SYCP1: variants seen among roughly 807,000 people sequenced by gnomAD.
The protein encoded by SYCP1 is synaptonemal complex protein 1.
In SYCP1, 64 loss-of-function variants were observed where a neutral mutation model predicts 153.1. That is an observed-to-expected ratio of 0.42 (90% CI 0.34 to 0.51). The LOEUF (loss-of-function observed/expected upper bound fraction) is 0.51, where lower values mean the gene tolerates loss of function less well. SYCP1 is among the 20% of genes least tolerant of loss of function. The pLI is 0.06. For synonymous variants in SYCP1, 384 were observed against 341.8 expected (o/e 1.12, Z -1.36); for missense variants, 997 against 1,049.0 (o/e 0.95, Z 0.68).
At chr1:114,902,530 A>C (rs1667535547) in intron 16 of SYCP1, among the ~76,000 whole-genome samples, 1 of 143,544 alleles carries the variant, frequency 7.0e-6, no homozygotes, top group Non-Finnish European at 1.5e-5. Context: ...ATCCCTGGTT[A>C]CCACATAAGA....
intron 20 of SYCP1, among the ~76,000 whole-genome samples, chr1:114,915,780 G>A (rs1447420414): frequency 6.6e-6 from 1 of 152,168 alleles, no homozygotes; most frequent in Admixed American, 6.5e-5. Flanking sequence ...AGAGGTGTCA[G>A]GTATTAGGTA....
intron 12 of SYCP1, among the ~76,000 whole-genome samples, chr1:114,881,773 A>G (rs572348325): frequency 4.6e-5 from 7 of 152,290 alleles, no homozygotes; most frequent in African/African-American, 1.7e-4. Flanking sequence ...AAGTCCTGGG[A>G]TTACAGATGT....
At chr1:114,877,263 TG>T (rs1004295233) in intron 11 of SYCP1, among the ~76,000 whole-genome samples, 4 of 152,196 alleles carry the variant, frequency 2.6e-5, no homozygotes, top group South Asian at 2.1e-4. Flanking sequence ...AAGACACAGA[TG>T]TTTTTTATAT....
At chr1:114,854,417 C>T (rs1472887614), upstream of SYCP1, among the ~76,000 whole-genome samples, 3 of 152,192 alleles carry the variant, frequency 2.0e-5, no homozygotes, top group Non-Finnish European at 2.9e-5. Flanking sequence ...GGATTACAGG[C>T]GTGAGCCACC....
intron 8 of SYCP1, among the ~76,000 whole-genome samples, chr1:114,864,275 A>G (rs931036772): frequency 6.6e-6 from 1 of 152,096 alleles, no homozygotes; most frequent in African/African-American, 2.4e-5. Flanking sequence ...GTTAAGTGAC[A>G]TTGGGTAGAG....
intron 9 of SYCP1, 41 bp downstream of exon 9, chr1:114,874,605 T>C (rs1413124974): frequency 1.5e-6 from 2 of 1,323,564 alleles, no homozygotes; most frequent in Non-Finnish European, 2.1e-6. Context: ...ACATAGGAAT[T>C]TCTGAGCAAA....
chr1:114,973,658 T>A (rs1672630893), intron 27 of SYCP1, among the ~76,000 whole-genome samples: 1 of 151,972 alleles, frequency 6.6e-6, no homozygotes, highest in African/African-American at 2.4e-5. Context: ...TGTTGTTGAA[T>A]GTATTTTTGC....
intron 20 of SYCP1, among the ~76,000 whole-genome samples, chr1:114,914,794 G>T (rs138503865): frequency 0.046 from 7,049 of 152,278 alleles, 198 homozygotes; most frequent in Middle Eastern, 0.075. Flanking sequence ...TTCTTAAACT[G>T]TTGTGCCTGC....
At chr1:114,911,089 G>T (rs890783527) in intron 17 of SYCP1, among the ~76,000 whole-genome samples, 4 of 151,632 alleles carry the variant, frequency 2.6e-5, no homozygotes, top group African/African-American at 7.3e-5. Flanking sequence ...ACAATAATAA[G>T]AACATTATAG....
At chr1:114,878,349 A>G (rs972976566) in intron 12 of SYCP1, 147 bp downstream of exon 12, 1 of 543,504 alleles carries the variant, frequency 1.8e-6, no homozygotes, top group Non-Finnish European at 3.3e-6. Context: ...AGGGCATAAT[A>G]GATTAACCTG....
chr1:114,926,654 C>A, intron 23 of SYCP1, 91 bp downstream of exon 23: 1 of 1,042,428 alleles, frequency 9.6e-7, no homozygotes, highest in Non-Finnish European at 1.4e-6. Flanking sequence ...AGTATAAATT[C>A]AATTTATACC....
At chr1:114,875,323 C>A (rs573803854) in intron 9 of SYCP1, among the ~76,000 whole-genome samples, 14 of 148,592 alleles carry the variant, frequency 9.4e-5, no homozygotes, top group Non-Finnish European at 1.8e-4. Context: ...TGCAGTGGCG[C>A]AACCTCGGCT....
At chr1:114,955,679 C>T (rs1478196625) in intron 27 of SYCP1, among the ~76,000 whole-genome samples, 1 of 152,180 alleles carries the variant, frequency 6.6e-6, no homozygotes, top group Admixed American at 6.5e-5. Flanking sequence ...ACTTTGGGAG[C>T]CTCAGGACTC....
intron 23 of SYCP1, among the ~76,000 whole-genome samples, chr1:114,935,990 C>A (rs969077293): frequency 6.6e-6 from 1 of 152,156 alleles, no homozygotes; most frequent in Non-Finnish European, 1.5e-5. Context: ...GAAGCTGGTA[C>A]CATTCCTTCT....
At chr1:114,872,267 G>A (rs980842645) in intron 8 of SYCP1, among the ~76,000 whole-genome samples, 17 of 151,994 alleles carry the variant, frequency 1.1e-4, no homozygotes, top group African/African-American at 4.1e-4. Flanking sequence ...GTCAACTTTT[G>A]TCAAAGAAAG....
At chr1:114,882,353 G>A (rs1357082754) in intron 12 of SYCP1, among the ~76,000 whole-genome samples, 1 of 151,860 alleles carries the variant, frequency 6.6e-6, no homozygotes, top group Non-Finnish European at 1.5e-5. Context: ...TACCTGTATT[G>A]TAATTCACTA....
At chr1:114,913,827 AT>A in intron 19 of SYCP1, 147 bp from the exon 20 acceptor site, 1 of 468,570 alleles carries the variant, frequency 2.1e-6, no homozygotes, top group South Asian at 4.4e-5. Flanking sequence ...AAAAAGTAGT[AT>A]GGAACTATAC....
At chr1:114,977,979 A>G (rs1672913711) in intron 28 of SYCP1, among the ~76,000 whole-genome samples, 1 of 151,612 alleles carries the variant, frequency 6.6e-6, no homozygotes, top group Non-Finnish European at 1.5e-5. Flanking sequence ...AACAATTCTA[A>G]AGTTTATTTA....
At chr1:114,923,366 A>G in intron 20 of SYCP1, 83 bp from the exon 21 acceptor site, 1 of 1,392,372 alleles carries the variant, frequency 7.2e-7, no homozygotes, top group Non-Finnish European at 9.5e-7. Flanking sequence ...GTGGTCTTTA[A>G]GACTTCCTTA....
Sources: allele counts gnomAD v4.1 joint callset (sites outside exome capture counted in the v4.1 genomes callset), GRCh38; gene constraint gnomAD v4.1.1; transcripts MANE v1.5; gene names NCBI Gene and HGNC (gene_info 2026-07-23, HGNC 2026-07-21).